Variants in ABCA6 observed in about 807,000 individuals in gnomAD.
ABCA6 encodes ATP binding cassette subfamily A member 6, also known as ATP-binding cassette sub-family A member 6.
ABCA6 carries 164 observed loss-of-function variants against 191.2 expected under a neutral mutation model. The ratio of observed to expected loss-of-function variants is 0.86; its 90% CI spans 0.76 to 0.98. The LOEUF (loss-of-function observed/expected upper bound fraction) is 0.98. Among genes scored for constraint, ABCA6 ranks in the 50% least tolerant of loss-of-function variants. ABCA6 has a pLI of 0.00. For missense variants in ABCA6, 1,958 were observed against 1,894.1 expected (o/e 1.03, Z -0.63); for synonymous variants, 636 against 647.7 (o/e 0.98, Z 0.27).
At chr17:69,085,256 T>C in intron 31 of ABCA6, 74 bp from the exon 32 acceptor site, 2 of 1,407,534 alleles carry the variant, frequency 1.4e-6, no homozygotes. Flanking sequence ...GAAACTGACA[T>C]ATATAAGCGT....
intron 27 of ABCA6, among the ~76,000 whole-genome samples, chr17:69,089,017 G>A (rs922029180): frequency 4.6e-5 from 7 of 152,200 alleles, no homozygotes; most frequent in African/African-American, 2.4e-5. Context: ...CATGAGGGCA[G>A]GGACCGCTGT....
chr17:69,098,086 A>G (rs2073090899), intron 22 of ABCA6, 59 bp from the exon 23 acceptor site: 1 of 1,291,262 alleles, frequency 7.7e-7, no homozygotes, highest in East Asian at 2.5e-5. Flanking sequence ...ACAAATAATT[A>G]TAGCCACAAA....
intron 25 of ABCA6, among the ~76,000 whole-genome samples, chr17:69,092,048 A>C (rs902549930): frequency 6.6e-6 from 1 of 152,100 alleles, no homozygotes; most frequent in Non-Finnish European, 1.5e-5. Flanking sequence ...TCCCCATTCC[A>C]AACAAATGAC....
At chr17:69,113,817 T>C in intron 13 of ABCA6, 80 bp from the exon 14 acceptor site, 2 of 1,225,094 alleles carry the variant, frequency 1.6e-6, no homozygotes, top group Admixed American at 4.4e-5. Context: ...GAAAAAATGC[T>C]CATCATCACT....
At chr17:69,102,725 A>T (rs1598461482) in intron 21 of ABCA6, 110 bp downstream of exon 21, 1 of 1,009,202 alleles carries the variant, frequency 9.9e-7, no homozygotes, top group Admixed American at 3.3e-5. Context: ...ACAACCCAGA[A>T]TGTTTTTCTG....
chr17:69,080,504 T>C (rs536382734), intron 37 of ABCA6, among the ~76,000 whole-genome samples: 1 of 152,144 alleles, frequency 6.6e-6, no homozygotes, highest in East Asian at 1.9e-4. Context: ...GTGTGGACAA[T>C]TACAACCAGC....
At position 69,124,940 on chromosome 17, in the gene ABCA6, C is replaced by G; in HGVS notation, c.1215G>C (p.Leu405Phe). The G allele has an allele frequency of 6.4e-7, 1 of 1,574,662 alleles. No homozygotes were observed. Among genetic ancestry groups the G allele is most frequent in the Non-Finnish European group, 8.6e-7 (1 of 1,160,152 alleles). The change falls in exon 9 of 39, where the codon TTG becomes TTC. Residue 405 changes from leucine to phenylalanine, a missense_variant. Transcript: ENST00000284425. ...CCAATAGCAAGTAGATGAGACCATC[C>G]AAAAGCAACATAGAAAAAGTTGCTA... ...TMIATFSMLL[L>F]DGLIYLLLAL... is the part of the protein sequence containing the mutation.
intron 17 of ABCA6, chr17:69,109,370 T>C (rs2073373316): frequency 6.6e-6 from 1 of 152,082 alleles, no homozygotes; most frequent in Admixed American, 6.6e-5. Flanking sequence ...GTAGAAAACA[T>C]TACACAAAGA....
intron 15 of ABCA6, chr17:69,112,799 T>G (rs1003534394): frequency 1.3e-5 from 2 of 153,858 alleles, no homozygotes; most frequent in Non-Finnish European, 2.9e-5. Flanking sequence ...ACTCATTAAA[T>G]TTATACAAAT....
chr17:69,085,553 A>G, intron 31 of ABCA6, 72 bp downstream of exon 31: 1 of 895,840 alleles, frequency 1.1e-6, no homozygotes, highest in Non-Finnish European at 1.7e-6. Flanking sequence ...AAAATAGTAT[A>G]GTCTTACAAA....
In ABCA6 at chr17:69,136,100, T is replaced by G; in HGVS notation, c.452A>C (p.Asp151Ala). Residue 151 changes from aspartate to alanine, a missense_variant, in exon 4 of 39, where the codon GAT becomes GCT. Transcript: ENST00000284425. Reference sequence around the variant, plus strand: ...TTGATATGGAAAGTCACCTGAGAAATCTTCTTTCCAAAGTGGACTGTTATA... The same window carrying G: ...TTGATATGGAAAGTCACCTGAGAAAGCTTCTTTCCAAAGTGGACTGTTATA... ...QGYNSPLWKE[D>A]FSAHCWDGYG... is the part of the protein sequence containing the mutation. The G allele has an allele frequency of 6.2e-6, 10 of 1,609,890 alleles. No homozygotes were observed. The highest frequency in any genetic ancestry group is 8.5e-6 in the Non-Finnish European group (10 of 1,177,556).
intron 35 of ABCA6, 82 bp from the exon 36 acceptor site, chr17:69,083,095 A>G: frequency 6.3e-7 from 1 of 1,584,294 alleles, no homozygotes; most frequent in Non-Finnish European, 8.6e-7. Context: ...AATGTAGAAG[A>G]AAAGGTGTCA....
At chr17:69,099,136 G>A (rs1248608171) in intron 22 of ABCA6, among the ~76,000 whole-genome samples, 3 of 151,926 alleles carry the variant, frequency 2.0e-5, no homozygotes, top group Non-Finnish European at 4.4e-5. Context: ...TTCAGGGAAA[G>A]GAACTTTAAA....
At chr17:69,129,538 T>C in intron 7 of ABCA6, 72 bp downstream of exon 7, 1 of 1,312,098 alleles carries the variant, frequency 7.6e-7, no homozygotes, top group Non-Finnish European at 1.1e-6. Context: ...AGTAACCTAC[T>C]AGGGCATTAA....
Position 69,085,015 on chromosome 17 carries a change from G to T in ABCA6, c.4184+13C>A, listed in dbSNP as rs747592034. On this transcript the variant is annotated intron_variant, in intron 32 of 38. Transcript: ENST00000284425. ...GCATTCTGACACAAAGGAATCGCAG[G>T]TCCCGTCTGTACCTTGCGATGGCGA... The T allele has an allele frequency of 6.3e-7, 1 of 1,581,354 alleles. No homozygotes were observed. The highest frequency in any genetic ancestry group is 2.0e-5 in the Admixed American group (1 of 50,302).
intron 2 of ABCA6, among the ~76,000 whole-genome samples, chr17:69,139,657 C>T (rs1361173509): frequency 6.6e-6 from 1 of 152,020 alleles, no homozygotes; most frequent in Non-Finnish European, 1.5e-5. Context: ...TGTATGTTTA[C>T]TGCGGCACTA....
intron 9 of ABCA6, among the ~76,000 whole-genome samples, chr17:69,124,342 C>T (rs558206681): frequency 1.4e-4 from 22 of 151,908 alleles, no homozygotes; most frequent in African/African-American, 5.3e-4. Context: ...AAAAAGCTTT[C>T]TGATTCTAGA....
In ABCA6 at chr17:69,089,457, C is replaced by G. The variant is rs1472827704; in HGVS notation, c.3606+8G>C. 2 of 1,613,226 alleles carry G rather than the reference C, an allele frequency of 1.2e-6. No homozygotes were observed. The highest frequency in any genetic ancestry group is 1.1e-5 in the South Asian group (1 of 91,024). On this transcript the variant is annotated splice_region_variant and intron_variant, in intron 27 of 38. Coordinates refer to ENST00000284425, the MANE Select transcript of ABCA6 (RefSeq NM_080284.3). ...AGAATGTGTGCTGAGGTGGAAAGCCCTTCTTACTATGAAGCAGACTAGAAA... is the reference window on the plus strand; with the variant it reads ...AGAATGTGTGCTGAGGTGGAAAGCCGTTCTTACTATGAAGCAGACTAGAAA...
chr17:69,125,379 C>T (rs546703354), intron 8 of ABCA6, among the ~76,000 whole-genome samples: 4 of 151,914 alleles, frequency 2.6e-5, no homozygotes, highest in African/African-American at 7.2e-5. Flanking sequence ...AATTCTTGGA[C>T]GCCTTTAATT....
Sources: allele counts gnomAD v4.1 joint callset (sites outside exome capture counted in the v4.1 genomes callset), GRCh38; gene constraint gnomAD v4.1.1; transcripts MANE v1.5; gene names NCBI Gene and HGNC (gene_info 2026-07-23, HGNC 2026-07-21).